ARFGEF2: variants seen among roughly 807,000 people sequenced by gnomAD.
ARFGEF2 encodes brefeldin A-inhibited guanine nucleotide-exchange protein 2.
A neutral mutation model predicts 219.9 loss-of-function variants in ARFGEF2; 74 were observed. The observed-to-expected ratio is 0.34, with a 90% CI of 0.28 to 0.41. ARFGEF2 has a LOEUF of 0.41. Ranked by LOEUF, ARFGEF2 falls within the 10% of genes least tolerant of loss-of-function variation. The probability of loss-of-function intolerance (pLI) is 1.00; values close to 1 mark genes in which losing one functional copy is unlikely to be tolerated. For synonymous variants in ARFGEF2, 733 were observed against 799.2 expected (o/e 0.92, Z 1.40); for missense variants, 1,743 against 2,218.3 (o/e 0.79, Z 4.30).
chr20:48,992,557 C>T (rs2091362990), intron 21 of ARFGEF2, among the ~76,000 whole-genome samples: 1 of 152,196 alleles, frequency 6.6e-6, no homozygotes, highest in Non-Finnish European at 1.5e-5. Context: ...TACTTAGTCA[C>T]CGAGTCCCAC....
chr20:48,983,100 C>T (rs951753066), intron 14 of ARFGEF2, among the ~76,000 whole-genome samples: 8 of 152,256 alleles, frequency 5.3e-5, no homozygotes, highest in African/African-American at 1.7e-4. Context: ...AGCTGCAGAC[C>T]GGAGCTGTTC....
chr20:49,010,583 T>G (rs2091492048), intron 27 of ARFGEF2, among the ~76,000 whole-genome samples, 179 bp downstream of exon 27: 1 of 152,238 alleles, frequency 6.6e-6, no homozygotes, highest in African/African-American at 2.4e-5. Flanking sequence ...AACTCTGTTT[T>G]GACTTTCTCC....
Position 49,002,043 on chromosome 20 carries a change from C to T in ARFGEF2, c.3433-3027C>T, listed in dbSNP as rs142743245. Among the ~76,000 whole-genome samples the T allele has an allele frequency of 6.9e-3, 1,045 of 152,138 alleles. 13 individuals carry two copies. The highest frequency in any genetic ancestry group is 0.023 in the African/African-American group (957 of 41,492). Reference sequence around the variant, plus strand: ...GGCAGATCATCTGAGGTCAGGAGTTCGAGACTAACCTGGCCAACAAATACA... The same window carrying T: ...GGCAGATCATCTGAGGTCAGGAGTTTGAGACTAACCTGGCCAACAAATACA... On this transcript the variant is annotated intron_variant, in intron 25 of 38. Coordinates refer to ENST00000371917, the MANE Select transcript of ARFGEF2 (RefSeq NM_006420.3).
chr20:48,994,673 A>G (rs1341595754), intron 22 of ARFGEF2, 75 bp downstream of exon 22: 25 of 1,585,280 alleles, frequency 1.6e-5, no homozygotes, highest in Non-Finnish European at 2.1e-5. Flanking sequence ...TTGTCTCATC[A>G]GGACTGTCCT....
intron 3 of ARFGEF2, among the ~76,000 whole-genome samples, chr20:48,951,034 A>G (rs1338381281): frequency 4.0e-5 from 6 of 151,454 alleles, no homozygotes; most frequent in African/African-American, 1.5e-4. Flanking sequence ...CTCTGTCTTG[A>G]GTATGTGTAG....
At chr20:49,003,606 AAAAAT>A (rs138515579) in intron 25 of ARFGEF2, among the ~76,000 whole-genome samples, 3,812 of 151,950 alleles carry the variant, frequency 0.025, 152 homozygotes, top group African/African-American at 0.086. Flanking sequence ...CTCCGTCTCA[AAAAAT>A]AAAATAAAAT....
chr20:48,989,712 G>GCAC (rs1568724439), intron 20 of ARFGEF2, 28 bp downstream of exon 20: 5 of 1,613,706 alleles, frequency 3.1e-6, no homozygotes, highest in Non-Finnish European at 4.2e-6. Flanking sequence ...ACACTCCAGA[G>GCAC]ATACTGGTGG....
chr20:48,960,756 T>G (rs2091143505), intron 6 of ARFGEF2, among the ~76,000 whole-genome samples: 1 of 150,780 alleles, frequency 6.6e-6, no homozygotes. Flanking sequence ...GTGCTGGGAT[T>G]ACAGGCATGA....
chr20:48,953,957 C>G (rs1306980625), intron 6 of ARFGEF2, among the ~76,000 whole-genome samples, 167 bp downstream of exon 6: 2 of 152,224 alleles, frequency 1.3e-5, no homozygotes, highest in Non-Finnish European at 2.9e-5. Context: ...ACCAGTGAGG[C>G]ATGATGTCAA....
At chr20:49,018,854 G>T (rs781348204) in intron 33 of ARFGEF2, 30 bp from the exon 34 acceptor site, 9 of 1,572,894 alleles carry the variant, frequency 5.7e-6, no homozygotes, top group Non-Finnish European at 7.9e-6. Flanking sequence ...AGAAAAGTGA[G>T]CATTGTGTTT....
chr20:48,976,367 G>T (rs1037333874), intron 14 of ARFGEF2, among the ~76,000 whole-genome samples, 168 bp downstream of exon 14: 3 of 152,194 alleles, frequency 2.0e-5, no homozygotes, highest in Non-Finnish European at 2.9e-5. Flanking sequence ...GTATGTGTGT[G>T]TGTCTGTGCA....
intron 17 of ARFGEF2, 23 bp from the exon 18 acceptor site, chr20:48,988,468 T>C: frequency 6.2e-7 from 1 of 1,610,278 alleles, no homozygotes; most frequent in Non-Finnish European, 8.5e-7. Flanking sequence ...TTTTAAATGG[T>C]TTTTAATTTT....
intron 11 of ARFGEF2, 48 bp downstream of exon 11, chr20:48,972,473 T>C: frequency 1.4e-6 from 2 of 1,395,798 alleles, no homozygotes; most frequent in East Asian, 4.6e-5. Flanking sequence ...GATGCTTTAA[T>C]TTGCCACAGC....
chr20:48,966,932 C>G (rs561899065), intron 8 of ARFGEF2, among the ~76,000 whole-genome samples: 44 of 152,150 alleles, frequency 2.9e-4, no homozygotes, highest in Non-Finnish European at 2.9e-5. Context: ...CTGCAGCCTT[C>G]ACTTCCTGGG....
chr20:48,962,335 T>G (rs1032024280), intron 6 of ARFGEF2, among the ~76,000 whole-genome samples: 2 of 152,172 alleles, frequency 1.3e-5, no homozygotes, highest in Admixed American at 6.5e-5. Flanking sequence ...ATATAAGTAA[T>G]AAGTTGTGCT....
intron 27 of ARFGEF2, among the ~76,000 whole-genome samples, chr20:49,011,557 A>G (rs1272012380): frequency 1.3e-5 from 2 of 152,224 alleles, no homozygotes; most frequent in Non-Finnish European, 2.9e-5. Context: ...TGGACTGACC[A>G]GGAGTCCTGG....
intron 3 of ARFGEF2, among the ~76,000 whole-genome samples, chr20:48,950,811 A>AAAATATATAT (rs1176537072): frequency 3.1e-4 from 20 of 64,498 alleles, no homozygotes; most frequent in East Asian, 4.9e-4. Context: ...AAAAAAAAAA[A>AAAATATATAT]ATATATATAT....
chr20:49,019,437 T>C (rs2091551229), intron 34 of ARFGEF2, among the ~76,000 whole-genome samples: 1 of 152,244 alleles, frequency 6.6e-6, no homozygotes, highest in Non-Finnish European at 1.5e-5. Context: ...TATACGATTG[T>C]CTATTATTCC....
chr20:48,970,520 G>A (rs915656741), intron 9 of ARFGEF2, among the ~76,000 whole-genome samples: 1 of 152,074 alleles, frequency 6.6e-6, no homozygotes, highest in African/African-American at 2.4e-5. Flanking sequence ...TGAGGCAGGA[G>A]AATCGCTTGA....
Sources: gnomAD v4.1 joint callset for allele counts (sites outside exome capture counted in the v4.1 genomes callset) on GRCh38, gnomAD v4.1.1 for gene constraint, MANE v1.5 for transcripts, NCBI Gene and HGNC (gene_info 2026-07-23, HGNC 2026-07-21) for gene names.